Variants in FAM110B observed in about 807,000 individuals in gnomAD.
The protein encoded by FAM110B is family with sequence similarity 110 member B.
A neutral mutation model predicts 20.4 loss-of-function variants in FAM110B; 6 were observed. The observed-to-expected ratio is 0.29, with a 90% CI of 0.16 to 0.58. The LOEUF (loss-of-function observed/expected upper bound fraction) is 0.58. FAM110B is among the 20% of genes least tolerant of loss of function. The pLI, the probability that FAM110B is intolerant of heterozygous loss-of-function variation, is 0.90. For synonymous variants in FAM110B, 226 were observed against 214.1 expected (o/e 1.06, Z -0.49); for missense variants, 434 against 498.2 (o/e 0.87, Z 1.23).
Position 58,146,525 on chromosome 8 carries a change from A to C in FAM110B, c.295A>C (p.Lys99Gln), listed in dbSNP as rs768740067. 2.5e-6 allele frequency: 4 copies of C among 1,613,822 alleles called. No individual in the cohort carries two copies. The South Asian group carries it at 3.3e-5, about 13-fold the overall frequency. ...GCGCGCACTGGGCAGCCCCACGCTCAAAGTGTTCGGCAACCACGCCAAGAC... is the reference window on the plus strand; with the variant it reads ...GCGCGCACTGGGCAGCCCCACGCTCCAAGTGTTCGGCAACCACGCCAAGAC... ...AKRALGSPTL[K>Q]VFGNHAKTES... is the part of the protein sequence containing the mutation. Residue 99 changes from lysine (K) to glutamine (Q), a missense_variant, in exon 4 of 4, where the codon AAA (lysine) becomes CAA (glutamine). This residue lies in a region of FAM110B where 284 missense variants were observed against 278.3 expected (regional missense o/e 1.02). Coordinates refer to ENST00000519262, the MANE Select transcript of FAM110B (RefSeq NM_001377989.1).
intron 3 of FAM110B, among the ~76,000 whole-genome samples, chr8:58,104,006 G>A (rs551520030): frequency 1.2e-4 from 18 of 152,240 alleles, no homozygotes; most frequent in African/African-American, 4.3e-4. Context: ...TTATGTATTT[G>A]CCAAATGAGT....
At chr8:58,067,590 T>C (rs1805800076) in intron 2 of FAM110B, among the ~76,000 whole-genome samples, 1 of 152,214 alleles carries the variant, frequency 6.6e-6, no homozygotes, top group South Asian at 2.1e-4. Flanking sequence ...CCTGCACCCC[T>C]CTCATGTGAG....
chr8:58,041,952 C>A (rs1314509943), intron 2 of FAM110B, among the ~76,000 whole-genome samples: 1 of 152,216 alleles, frequency 6.6e-6, no homozygotes, highest in African/African-American at 2.4e-5. Context: ...ATGAAATAAG[C>A]AGGGTTCTCG....
At chr8:58,016,545 C>G (rs1804640419) in intron 1 of FAM110B, among the ~76,000 whole-genome samples, 1 of 152,202 alleles carries the variant, frequency 6.6e-6, no homozygotes, top group Non-Finnish European at 1.5e-5. Flanking sequence ...TAAGCCTATC[C>G]TGGCGCTGCT....
intron 1 of FAM110B, among the ~76,000 whole-genome samples, chr8:58,019,530 GGGTA>G (rs1192655523): frequency 5.9e-5 from 9 of 151,946 alleles, no homozygotes; most frequent in African/African-American, 2.2e-4. Flanking sequence ...GTTTATTATA[GGGTA>G]GGTCTGCTGG....
intron 3 of FAM110B, among the ~76,000 whole-genome samples, chr8:58,126,671 A>T (rs1033733628): frequency 2.0e-5 from 3 of 152,126 alleles, no homozygotes; most frequent in African/African-American, 7.2e-5. Context: ...TAATGTTGAC[A>T]TCTTTTCATA....
intron 1 of FAM110B, among the ~76,000 whole-genome samples, chr8:58,029,827 G>A (rs911768643): frequency 1.3e-5 from 2 of 152,114 alleles, no homozygotes; most frequent in African/African-American, 4.8e-5. Flanking sequence ...ATTTCACATG[G>A]CAACTTTGAA....
At chr8:58,024,675 G>T (rs1301950847) in intron 1 of FAM110B, among the ~76,000 whole-genome samples, 1 of 152,166 alleles carries the variant, frequency 6.6e-6, no homozygotes, top group Non-Finnish European at 1.5e-5. Flanking sequence ...TGTGTGCCCT[G>T]TGCCTATTCC....
intron 2 of FAM110B, among the ~76,000 whole-genome samples, chr8:58,051,799 GT>G (rs1805448087): frequency 1.3e-5 from 2 of 151,202 alleles, no homozygotes; most frequent in Admixed American, 1.3e-4. Flanking sequence ...AGGCACATGG[GT>G]TGGAACGGAT....
At chr8:58,039,911 C>T (rs927587945) in intron 2 of FAM110B, among the ~76,000 whole-genome samples, 5 of 152,006 alleles carry the variant, frequency 3.3e-5, no homozygotes, top group South Asian at 2.1e-4. Context: ...CATATGCCAC[C>T]GTGCCTGTGG....
chr8:58,034,476 C>T (rs576223527), intron 2 of FAM110B, among the ~76,000 whole-genome samples: 1 of 152,330 alleles, frequency 6.6e-6, no homozygotes, highest in South Asian at 2.1e-4. Context: ...GAGCCACACT[C>T]CTCAGTGCTG....
At chr8:58,044,479 A>G (rs1052458264) in intron 2 of FAM110B, among the ~76,000 whole-genome samples, 4 of 152,230 alleles carry the variant, frequency 2.6e-5, no homozygotes, top group Non-Finnish European at 4.4e-5. Flanking sequence ...TATGTAGGAA[A>G]TGTCTGTATA....
chr8:58,039,393 C>T (rs1805154827), intron 2 of FAM110B, among the ~76,000 whole-genome samples: 1 of 152,188 alleles, frequency 6.6e-6, no homozygotes, highest in Non-Finnish European at 1.5e-5. Flanking sequence ...GCACCACAGG[C>T]CTGTTCCAGG....
At chr8:58,124,111 G>A (rs957425677) in intron 3 of FAM110B, among the ~76,000 whole-genome samples, 5 of 152,154 alleles carry the variant, frequency 3.3e-5, no homozygotes, top group African/African-American at 1.2e-4. Flanking sequence ...GAGACAAAGT[G>A]GAAGGCTAGG....
At chr8:58,001,559 A>T (rs2150562016) in intron 1 of FAM110B, among the ~76,000 whole-genome samples, 1 of 152,298 alleles carries the variant, frequency 6.6e-6, no homozygotes, top group Admixed American at 6.5e-5. Flanking sequence ...TAGCGTTACA[A>T]GATCGAACTG....
chr8:58,029,014 T>C (rs1804913427), intron 1 of FAM110B, among the ~76,000 whole-genome samples: 1 of 152,228 alleles, frequency 6.6e-6, no homozygotes, highest in African/African-American at 2.4e-5. Context: ...CATCTGGTGC[T>C]TTTCGGTTCT....
chr8:58,012,453 C>A (rs1487345454), intron 1 of FAM110B, among the ~76,000 whole-genome samples: 1 of 151,298 alleles, frequency 6.6e-6, no homozygotes, highest in African/African-American at 2.4e-5. Context: ...ATGTTTTAAT[C>A]TTTATTTATT....
Position 58,086,539 on chromosome 8 carries a change from C to T in FAM110B, c.-325+10916C>T, listed in dbSNP as rs530627690. Among the ~76,000 whole-genome samples the T allele has an allele frequency of 2.6e-5, 4 of 152,250 alleles. No homozygotes were observed. The East Asian group carries it at 5.8e-4, about 22-fold the overall frequency. ...ACGACTGAAACCTGGCTTTGAAGTG[C>T]TACCTGAAGTGTTCTTAAGTCTCAT... is the stretch of plus-strand genomic sequence containing the variant. On this transcript the variant is annotated intron_variant, in intron 3 of 3. Coordinates refer to ENST00000519262, the MANE Select transcript of FAM110B (RefSeq NM_001377989.1).
At chr8:58,025,965 C>T (rs1804848194) in intron 1 of FAM110B, among the ~76,000 whole-genome samples, 1 of 152,190 alleles carries the variant, frequency 6.6e-6, no homozygotes, top group South Asian at 2.1e-4. Context: ...CATGGTCTTT[C>T]CAGACTCATG....
Sources: allele counts gnomAD v4.1 joint callset (sites outside exome capture counted in the v4.1 genomes callset), GRCh38; gene constraint gnomAD v4.1.1; regional missense constraint gnomAD v4.1.1; transcripts MANE v1.5; gene names NCBI Gene and HGNC (gene_info 2026-07-23, HGNC 2026-07-21).